Variants in IST1 observed in about 807,000 individuals in gnomAD.
IST1 encodes IST1 factor associated with ESCRT-III, also known as IST1 homolog.
In IST1, 23 loss-of-function variants were observed where a neutral mutation model predicts 37.0. The ratio of observed to expected loss-of-function variants is 0.62; its 90% CI spans 0.45 to 0.88. IST1 has a LOEUF of 0.88. IST1 is among the 40% of genes least tolerant of loss of function. The pLI, the probability that IST1 is intolerant of heterozygous loss-of-function variation, is 0.00. For missense variants in IST1, 488 were observed against 445.4 expected (o/e 1.10, Z -0.86); for synonymous variants, 180 against 161.7 (o/e 1.11, Z -0.86).
intron 6 of IST1, 101 bp downstream of exon 6, chr16:71,921,554 T>C (rs1360178955): frequency 1.4e-6 from 1 of 707,836 alleles, no homozygotes; most frequent in Admixed American, 2.4e-5. Flanking sequence ...TTTGTGTGAG[T>C]TTAAGCCTTT....
Position 71,927,779 on chromosome 16 carries a change from C to T in IST1, c.1067C>T (p.Ser356Phe). The change falls in exon 10 of 10, where the codon TCC becomes TTC. Residue 356 changes from serine (S) to phenylalanine (F), a missense_variant. This residue lies in a region of IST1 where 455 missense variants were observed against 386.2 expected (regional missense o/e 1.18). Transcript: ENST00000378799. ...GAAGACATTGACTTTGATGATCTTT[C>T]CCGGAGGTTTGAAGAGCTGAAAAAG... ...ASEDIDFDDLSRRFEELKKKT is the reference protein window; with the variant it reads ...ASEDIDFDDLFRRFEELKKKT 1 of 1,614,086 alleles carries T rather than the reference C, an allele frequency of 6.2e-7. No homozygotes were observed. Among genetic ancestry groups the T allele is most frequent in the South Asian group, 1.1e-5 (1 of 91,074 alleles).
chr16:71,928,823 A>G lies in IST1; in HGVS notation c.*1010A>G, dbSNP rs147514584. On this transcript the variant is annotated 3_prime_UTR_variant, in exon 10 of 10. Coordinates refer to ENST00000378799, the MANE Select transcript of IST1 (RefSeq NM_001270975.2). ...GGACTCTTATGTCATAACTTCTGTT[A>G]CTCCTTTGGCCCATAGCTAAGGTCA... 114 of 152,136 alleles carry G rather than the reference A, an allele frequency of 7.5e-4. 1 individual carries two copies. Among genetic ancestry groups the G allele is most frequent in the African/African-American group, 2.6e-3 (106 of 41,500 alleles). The allele number at this position is 152,136 out of a possible 1,614,324, so 9.4% of individuals were successfully genotyped here.
At chr16:71,909,803 G>A (rs897397599) in intron 1 of IST1, among the ~76,000 whole-genome samples, 1 of 152,282 alleles carries the variant, frequency 6.6e-6, no homozygotes, top group Admixed American at 6.5e-5. Context: ...GACAAGTTTG[G>A]TGTATCCGTG....
chr16:71,910,981 C>G (rs1370300515), intron 1 of IST1, among the ~76,000 whole-genome samples: 1 of 151,738 alleles, frequency 6.6e-6, no homozygotes. Context: ...GATTTAAAAA[C>G]AAACAAAAAA....
chr16:71,916,703 A>T lies in IST1; in HGVS notation c.269+61A>T, dbSNP rs1026748302. 30 of 1,408,124 alleles carry T rather than the reference A, an allele frequency of 2.1e-5. No homozygotes were observed. In the African/African-American group the frequency reaches 4.1e-4, roughly 19 times the overall value. The allele number at this position is 1,408,124 out of a possible 1,614,324, so 87.2% of individuals were successfully genotyped here. A position where few individuals can be genotyped will look rare whatever the true frequency, so the allele number is the denominator to read the frequency against. ...TGGAATTTGAGAAAGGAGTAATATG[A>T]TCTCTTTCTGCATTAAGGGACTATT... On this transcript the variant is annotated intron_variant, in intron 3 of 9. Coordinates refer to ENST00000378799, the MANE Select transcript of IST1 (RefSeq NM_001270975.2).
chr16:71,921,843 C>T (rs1277117341), intron 6 of IST1: 1 of 195,622 alleles, frequency 5.1e-6, no homozygotes, highest in Admixed American at 5.3e-5. Context: ...AAAAAATCAT[C>T]CACCAGTTGG....
At chr16:71,908,296 CTTTTTT>C (rs59849119) in intron 1 of IST1, among the ~76,000 whole-genome samples, 3 of 76,820 alleles carry the variant, frequency 3.9e-5, no homozygotes, top group Non-Finnish European at 6.9e-5. Flanking sequence ...CTCGTTGTAG[CTTTTTT>C]TTTTTTTTTT....
intron 8 of IST1, among the ~76,000 whole-genome samples, chr16:71,923,905 T>C (rs2037673061): frequency 6.6e-6 from 1 of 152,134 alleles, no homozygotes; most frequent in Admixed American, 6.6e-5. Flanking sequence ...CTGTAGGTGG[T>C]TCAGGTTACT....
At position 71,914,392 on chromosome 16, in the gene IST1, C is replaced by T. The variant is rs147420903; in HGVS notation, c.-15-1234C>T. 3.7e-4 allele frequency among the ~76,000 whole-genome samples: 56 copies of T among 150,068 alleles called. No homozygotes were observed. In the Middle Eastern group the frequency reaches 0.036, roughly 96 times the overall value. On this transcript the variant is annotated intron_variant, in intron 1 of 9. Transcript: ENST00000378799. The stretch of plus-strand genomic sequence containing the variant: ...GGCCAGGATGGTCTCCATCTCCTGA[C>T]CTCATGATCTGCCCACCTCGGCCTC...
At chr16:71,906,160 C>T (rs1029282145) in intron 1 of IST1, among the ~76,000 whole-genome samples, 6 of 151,916 alleles carry the variant, frequency 3.9e-5, no homozygotes, top group South Asian at 2.1e-4. Flanking sequence ...AGTGCCACTG[C>T]GCCCAGCTGA....
At chr16:71,904,122 G>T (rs2037168339) in intron 1 of IST1, among the ~76,000 whole-genome samples, 1 of 151,880 alleles carries the variant, frequency 6.6e-6, no homozygotes, top group Non-Finnish European at 1.5e-5. Flanking sequence ...TATTTGTTTG[G>T]TGGTGGTGGT....
intron 9 of IST1, 70 bp downstream of exon 9, chr16:71,924,887 C>T (rs2037701467): frequency 2.8e-6 from 3 of 1,088,412 alleles, no homozygotes; most frequent in African/African-American, 1.5e-5. Context: ...ATTATTGTTC[C>T]TCCCTTAGAG....
Position 71,927,869 on chromosome 16 carries a change from C to A in IST1, c.*56C>A. 1.7e-6 allele frequency: 2 copies of A among 1,207,152 alleles called. No homozygotes were observed. The highest frequency in any genetic ancestry group is 2.3e-5 in the East Asian group (1 of 43,000). 74.8% of individuals were successfully genotyped at this position (1,207,152 alleles called of 1,614,324 possible). On this transcript the variant is annotated 3_prime_UTR_variant, in exon 10 of 10. Transcript: ENST00000378799. Reference sequence around the variant, plus strand: ...GGGAGTTGAGACTGAGCAATTTCTCCTTGTAACAAAGAATCTCCATGAAAT... The same window carrying A: ...GGGAGTTGAGACTGAGCAATTTCTCATTGTAACAAAGAATCTCCATGAAAT...
intron 1 of IST1, among the ~76,000 whole-genome samples, chr16:71,908,815 CAG>C (rs2037286146): frequency 6.6e-6 from 1 of 152,118 alleles, no homozygotes; most frequent in Non-Finnish European, 1.5e-5. Context: ...TGGGGAACAT[CAG>C]AGGGAAAAAT....
chr16:71,905,493 C>T (rs910994067), intron 1 of IST1, among the ~76,000 whole-genome samples: 2 of 151,802 alleles, frequency 1.3e-5, no homozygotes, highest in Non-Finnish European at 2.9e-5. Context: ...ATTCTTTTGC[C>T]TCAGCCTCCC....
chr16:71,897,120 C>T (rs1012101010), intron 1 of IST1, among the ~76,000 whole-genome samples: 5 of 151,382 alleles, frequency 3.3e-5, no homozygotes, highest in African/African-American at 7.3e-5. Flanking sequence ...CTCAAGTGAT[C>T]CTCCCGCCCC....
intron 4 of IST1, among the ~76,000 whole-genome samples, chr16:71,918,882 A>T (rs544775541): frequency 6.6e-6 from 1 of 152,362 alleles, no homozygotes; most frequent in East Asian, 1.9e-4. Context: ...TGCCATTTAT[A>T]TCATAGGTGT....
Position 71,930,171 on chromosome 16 carries a change from C to G in IST1, c.*2358C>G. On this transcript the variant is annotated 3_prime_UTR_variant, in exon 10 of 10. Transcript: ENST00000378799. ...ATCAGAAAGGTGCCCAGGACTGGGT[C>G]TAAAGCGAAAACCTGGGAAAACAAT... 6.5e-7 allele frequency: 1 copy of G among 1,541,970 alleles called. No homozygotes were observed. The highest frequency in any genetic ancestry group is 1.4e-5 in the African/African-American group (1 of 72,418).
rs909033461 is a variant in IST1 at position 71,924,385 on chromosome 16, G to A, written c.853-384G>A. ...AGCACTTTGGGAGGCTTAGGCAGGC[G>A]TTCGAGACCAGCCTGGGCAACATGG... On this transcript the variant is annotated intron_variant, in intron 8 of 9. Transcript: ENST00000378799. 6.1e-5 allele frequency: 23 copies of A among 377,840 alleles called. No homozygotes were observed. In the East Asian group the frequency reaches 9.4e-4, roughly 15 times the overall value. The allele number at this position is 377,840 out of a possible 1,614,324, so 23.4% of individuals were successfully genotyped here.
Sources: gnomAD v4.1 joint callset for allele counts (sites outside exome capture counted in the v4.1 genomes callset) on GRCh38, gnomAD v4.1.1 for gene constraint, gnomAD v4.1.1 regional missense constraint, MANE v1.5 for transcripts, NCBI Gene and HGNC (gene_info 2026-07-23, HGNC 2026-07-21) for gene names.